The following UBL3 variants were observed in gnomAD, a reference collection of about 807,000 sequenced individuals.
The protein encoded by UBL3 is ubiquitin like 3.
UBL3 carries 6 observed loss-of-function variants against 18.4 expected under a neutral mutation model. The observed-to-expected ratio is 0.33, with a 90% CI of 0.18 to 0.64. The LOEUF (loss-of-function observed/expected upper bound fraction) is 0.64, where lower values mean the gene tolerates loss of function less well. Among genes scored for constraint, UBL3 ranks in the 30% least tolerant of loss-of-function variants. UBL3 has a pLI of 0.76. For synonymous variants in UBL3, 49 were observed against 46.6 expected (o/e 1.05, Z -0.21); for missense variants, 109 against 142.9 (o/e 0.76, Z 1.21).
At chr13:29,771,214 A>G (rs1876832406) in intron 3 of UBL3, among the ~76,000 whole-genome samples, 1 of 152,070 alleles carries the variant, frequency 6.6e-6, no homozygotes, top group Non-Finnish European at 1.5e-5. Context: ...TTAGGTTTAG[A>G]GGAAAAACTC....
chr13:29,787,448 AGACT>A (rs1877351582), intron 1 of UBL3, among the ~76,000 whole-genome samples: 1 of 152,222 alleles, frequency 6.6e-6, no homozygotes, highest in Non-Finnish European at 1.5e-5. Flanking sequence ...TTCCATGAGA[AGACT>A]GACAGTATGT....
rs1879319477 is a variant in UBL3, at chr13:29,849,667, A to T, written c.-129T>A. Reference sequence around the variant, plus strand: ...GTGATGTGCTTTCTCCCCCAAAAATAAAGTTATTTTGGAGCCAAAGTGCCG... The same window carrying T: ...GTGATGTGCTTTCTCCCCCAAAAATTAAGTTATTTTGGAGCCAAAGTGCCG... On this transcript the variant is annotated 5_prime_UTR_variant, in exon 1 of 5. Coordinates refer to ENST00000380680, the MANE Select transcript of UBL3 (RefSeq NM_007106.4). 3 of 1,284,850 alleles carry T rather than the reference A, an allele frequency of 2.3e-6. No homozygotes were observed. The South Asian group carries it at 3.8e-5, about 16-fold the overall frequency. The allele number at this position is 1,284,850 out of a possible 1,614,324, so 79.6% of individuals were successfully genotyped here.
At chr13:29,847,790 T>C (rs891419162) in intron 1 of UBL3, among the ~76,000 whole-genome samples, 3 of 152,114 alleles carry the variant, frequency 2.0e-5, no homozygotes, top group Admixed American at 6.6e-5. Context: ...ACAAGGGAAA[T>C]AGCATTTCCC....
At chr13:29,841,312 G>A (rs1879094294) in intron 1 of UBL3, among the ~76,000 whole-genome samples, 2 of 150,824 alleles carry the variant, frequency 1.3e-5, no homozygotes, top group African/African-American at 4.9e-5. Context: ...TTAAAAGTAT[G>A]GAGACAAAAA....
chr13:29,849,689 G>A lies in UBL3; in HGVS notation c.-151C>T. 1 of 990,932 alleles carries A rather than the reference G, an allele frequency of 1.0e-6. No homozygotes were observed. Among genetic ancestry groups the A allele is most frequent in the Non-Finnish European group, 1.5e-6 (1 of 662,124 alleles). The allele number at this position is 990,932 out of a possible 1,614,324, so 61.4% of individuals were successfully genotyped here. The stretch of plus-strand genomic sequence containing the variant: ...AATAAAGTTATTTTGGAGCCAAAGT[G>A]CCGGTCAGGCCGAGGTTCTGGTTCG... On this transcript the variant is annotated 5_prime_UTR_variant, in exon 1 of 5. Transcript: ENST00000380680.
intron 1 of UBL3, among the ~76,000 whole-genome samples, chr13:29,790,605 A>G (rs976534172): frequency 3.9e-5 from 6 of 152,184 alleles, no homozygotes; most frequent in African/African-American, 1.4e-4. Flanking sequence ...GACGTCAGGT[A>G]AATCTACAAA....
At chr13:29,781,626 G>GA (rs1333714684) in intron 1 of UBL3, among the ~76,000 whole-genome samples, 3 of 151,856 alleles carry the variant, frequency 2.0e-5, no homozygotes, top group African/African-American at 7.3e-5. Context: ...ATGCATGGGG[G>GA]AAAAATGTAA....
chr13:29,790,826 G>A (rs1211451452), intron 1 of UBL3, among the ~76,000 whole-genome samples: 1 of 152,040 alleles, frequency 6.6e-6, no homozygotes, highest in Non-Finnish European at 1.5e-5. Flanking sequence ...CTCTCTTTCA[G>A]TTGGTTTTTC....
At chr13:29,840,894 T>A (rs1879083853) in intron 1 of UBL3, among the ~76,000 whole-genome samples, 1 of 152,198 alleles carries the variant, frequency 6.6e-6, no homozygotes, top group African/African-American at 2.4e-5. Flanking sequence ...TACGGTTCTA[T>A]ACTTATTTGC....
chr13:29,782,166 C>T (rs1877193005), intron 1 of UBL3, among the ~76,000 whole-genome samples: 1 of 152,108 alleles, frequency 6.6e-6, no homozygotes, highest in Non-Finnish European at 1.5e-5. Flanking sequence ...TCTAGATGTC[C>T]TTGTTCTAGA....
chr13:29,842,879 A>G (rs181231186), intron 1 of UBL3, among the ~76,000 whole-genome samples: 4 of 152,252 alleles, frequency 2.6e-5, no homozygotes, highest in Non-Finnish European at 1.5e-5. Context: ...TCCATGAAAC[A>G]AAAGATACTC....
intron 1 of UBL3, among the ~76,000 whole-genome samples, chr13:29,815,148 A>G (rs1878235749): frequency 6.6e-6 from 1 of 152,156 alleles, no homozygotes; most frequent in Non-Finnish European, 1.5e-5. Flanking sequence ...ATGTCAATCC[A>G]GTGTGTACTA....
At position 29,816,097 on chromosome 13, in the gene UBL3, C is replaced by G. The variant is rs1878271251; in HGVS notation, c.27+33415G>C. 1.3e-5 allele frequency among the ~76,000 whole-genome samples: 2 copies of G among 151,960 alleles called. 1 individual carries two copies. Among genetic ancestry groups the G allele is most frequent in the South Asian group, 4.2e-4 (2 of 4,812 alleles). On this transcript the variant is annotated intron_variant, in intron 1 of 4. Transcript: ENST00000380680. ...TGTAGGATTTTTTTCCCCACTGTCA[C>G]CAGGATCTGACTAAGAAGAAATAAT...
chr13:29,765,148 T>C lies in UBL3; in HGVS notation c.*2107A>G, dbSNP rs1278525177. 3.3e-5 allele frequency: 5 copies of C among 152,146 alleles called. No individual in the cohort carries two copies. Among genetic ancestry groups the C allele is most frequent in the Non-Finnish European group, 2.9e-5 (2 of 68,004 alleles). 9.4% of individuals were successfully genotyped at this position (152,146 alleles called of 1,614,324 possible). A position where few individuals can be genotyped will look rare whatever the true frequency, so the allele number is the denominator to read the frequency against. ...ATATTGAAAAACCAATAGAGAATTA[T>C]TTTTAACCATCATAAAAACTCAATC... is the stretch of plus-strand genomic sequence containing the variant. On this transcript the variant is annotated 3_prime_UTR_variant, in exon 5 of 5. Transcript: ENST00000380680.
chr13:29,809,892 A>C (rs1877995975), intron 1 of UBL3, among the ~76,000 whole-genome samples: 1 of 152,128 alleles, frequency 6.6e-6, no homozygotes, highest in African/African-American at 2.4e-5. Context: ...TTAATACCTA[A>C]TACAAATGAC....
chr13:29,767,776 A>C, intron 3 of UBL3, 81 bp from the exon 4 acceptor site: 1 of 1,271,772 alleles, frequency 7.9e-7, no homozygotes, highest in Non-Finnish European at 1.1e-6. Context: ...CCATTTTAAA[A>C]ATTGATTGCT....
intron 1 of UBL3, among the ~76,000 whole-genome samples, chr13:29,835,152 A>C (rs1878920071): frequency 2.9e-5 from 1 of 34,476 alleles, no homozygotes; most frequent in African/African-American, 1.3e-4. Context: ...ATATATATAT[A>C]TATATATATA....
At chr13:29,784,836 C>A (rs1264137566) in intron 1 of UBL3, among the ~76,000 whole-genome samples, 7 of 21,074 alleles carry the variant, frequency 3.3e-4, no homozygotes, top group Non-Finnish European at 7.4e-4. Context: ...CACATACACA[C>A]ATGCACACAC....
At position 29,838,034 on chromosome 13, in the gene UBL3, A is replaced by C. The variant is rs188350195; in HGVS notation, c.27+11478T>G. 1.4e-3 allele frequency among the ~76,000 whole-genome samples: 212 copies of C among 151,774 alleles called. 2 individuals are homozygous for C. The highest frequency in any genetic ancestry group is 4.7e-3 in the African/African-American group (194 of 41,478). ...TCTACAAGCTTTATGTAGATTACAA[A>C]AAAAAAAGCTACACAAGAGCACATC... On this transcript the variant is annotated intron_variant, in intron 1 of 4. Transcript: ENST00000380680.
Sources: allele counts gnomAD v4.1 joint callset (sites outside exome capture counted in the v4.1 genomes callset), GRCh38; gene constraint gnomAD v4.1.1; transcripts MANE v1.5; gene names NCBI Gene and HGNC (gene_info 2026-07-23, HGNC 2026-07-21).